ARHGEF9: variants seen among roughly 807,000 people sequenced by gnomAD.
The protein encoded by ARHGEF9 is rho guanine nucleotide exchange factor 9.
Under a neutral mutation model 41.3 loss-of-function variants are expected in ARHGEF9, and 2 were observed. That is an observed-to-expected ratio of 0.05 (90% CI 0.02 to 0.15). The LOEUF (loss-of-function observed/expected upper bound fraction) is 0.15, where lower values mean the gene tolerates loss of function less well. Ranked by LOEUF, ARHGEF9 falls within the 10% of genes least tolerant of loss-of-function variation. The pLI, the probability that ARHGEF9 is intolerant of heterozygous loss-of-function variation, is 1.00. For synonymous variants in ARHGEF9, 160 were observed against 154.4 expected, an observed-to-expected ratio of 1.04 and a Z score of -0.27; for missense variants, 225 against 424.7, an observed-to-expected ratio of 0.53 and a Z score of 4.13.
At position 63,635,017 on chromosome X, in the gene ARHGEF9, G is replaced by C; in HGVS notation, c.*3011C>G. On this transcript the variant is annotated 3_prime_UTR_variant, in exon 10 of 10. Transcript: ENST00000671741. ...TCCATAAATATTTTCATAAGGCTTT[G>C]TGTCATTACAACATTTTTTTTGTTA... 4.0e-6 allele frequency: 1 copy of C among 247,614 alleles called. No individual in the cohort carries two copies. The highest frequency in any genetic ancestry group is 7.0e-6 in the Non-Finnish European group (1 of 142,016). The allele number at this position is 247,614 out of a possible 1,213,427, so 20.4% of individuals were successfully genotyped here.
intron 7 of ARHGEF9, among the ~76,000 whole-genome samples, chrX:63,660,333 C>A (rs1273984550): frequency 9.0e-6 from 1 of 110,929 alleles, no homozygotes; most frequent in East Asian, 2.8e-4. Flanking sequence ...CAAGAGGGAG[C>A]TAAATATTGA....
At chrX:63,778,502 T>A (rs1556460193) in intron 1 of ARHGEF9, among the ~76,000 whole-genome samples, 1 of 112,492 alleles carries the variant, frequency 8.9e-6, no homozygotes, top group Non-Finnish European at 1.9e-5. Context: ...TTATTCAAAT[T>A]TCTGCAGCCA....
intron 1 of ARHGEF9, among the ~76,000 whole-genome samples, chrX:63,783,361 C>G (rs1556463449): frequency 9.2e-6 from 1 of 108,540 alleles, no homozygotes; most frequent in African/African-American, 3.4e-5. Flanking sequence ...CGCAACCTCC[C>G]CCTCCTGGGT....
chrX:63,704,833 T>C (rs1321285089), intron 3 of ARHGEF9, among the ~76,000 whole-genome samples: 2 of 112,011 alleles, frequency 1.8e-5, no homozygotes, highest in Non-Finnish European at 3.8e-5. Flanking sequence ...GACCTCTTGT[T>C]CTTTCTACTC....
At chrX:63,676,765 G>A (rs1372729016) in intron 5 of ARHGEF9, among the ~76,000 whole-genome samples, 1 of 112,398 alleles carries the variant, frequency 8.9e-6, no homozygotes, top group Non-Finnish European at 1.9e-5. Flanking sequence ...GCACAGAGCT[G>A]TACTGTCCAA....
At chrX:63,733,545 C>A (rs1231776999) in intron 1 of ARHGEF9, among the ~76,000 whole-genome samples, 1 of 112,351 alleles carries the variant, frequency 8.9e-6, no homozygotes, top group East Asian at 2.8e-4. Flanking sequence ...TAAATAATTT[C>A]ATTTCTTGGC....
At chrX:63,686,475 A>C (rs2050988286) in intron 4 of ARHGEF9, among the ~76,000 whole-genome samples, 1 of 111,285 alleles carries the variant, frequency 9.0e-6, no homozygotes, top group Non-Finnish European at 1.9e-5. Flanking sequence ...TACTTAAAAA[A>C]AATGCATTGT....
chrX:63,717,160 G>T (rs1393202869), intron 2 of ARHGEF9, among the ~76,000 whole-genome samples: 1 of 111,841 alleles, frequency 8.9e-6, no homozygotes, highest in Non-Finnish European at 1.9e-5. Flanking sequence ...ATTTTAAAAA[G>T]AAGTTTTTCA....
Position 63,701,263 on chromosome X carries a change from G to A in ARHGEF9, c.403-3959C>T, listed in dbSNP as rs185849969. The stretch of plus-strand genomic sequence containing the variant: ...CTTTAGGGAAGGGCCCTCACAAAAA[G>A]TTTAGACCTCAGTGTCTCTGTCTCT... On this transcript the variant is annotated intron_variant, in intron 3 of 9. Coordinates refer to ENST00000671741, the MANE Select transcript of ARHGEF9 (RefSeq NM_001353921.2). Among the ~76,000 whole-genome samples the A allele has an allele frequency of 2.7e-5, 3 of 110,980 alleles. No individual in the cohort carries two copies. The East Asian group carries it at 8.6e-4, about 32-fold the overall frequency.
intron 3 of ARHGEF9, among the ~76,000 whole-genome samples, chrX:63,699,803 A>G (rs573420118): frequency 5.9e-4 from 66 of 112,231 alleles, no homozygotes; most frequent in Non-Finnish European, 8.3e-4. Context: ...ACCATGTAGA[A>G]ACATGGAAAA....
In ARHGEF9 at chrX:63,697,173, G is replaced by A. The variant is rs782684706; in HGVS notation, c.534C>T (p.Asn178=). 8.3e-7 allele frequency: 1 copy of A among 1,210,646 alleles called. No homozygotes were observed. ...GFVRDLEKQY[N]NDDPHLSEIG... ...TCTCGCTGAGGTGGGGGTCATCATT[G>A]TTATACTGTTTCTCCAGGTCTCTCA... The change falls in exon 4 of 10, where the codon AAC becomes AAT. Residue 178 remains asparagine, a synonymous_variant. Transcript: ENST00000671741.
intron 1 of ARHGEF9, among the ~76,000 whole-genome samples, chrX:63,735,772 C>T (rs1245198097): frequency 2.7e-5 from 3 of 111,967 alleles, no homozygotes; most frequent in Admixed American, 9.4e-5. Context: ...AACTCTAGAC[C>T]TTGGCATACG....
intron 1 of ARHGEF9, among the ~76,000 whole-genome samples, chrX:63,759,591 A>G (rs1376489944): frequency 2.7e-5 from 3 of 112,108 alleles, no homozygotes; most frequent in African/African-American, 9.7e-5. Context: ...TAATCACTCC[A>G]TGAGAGGGTC....
At chrX:63,645,803 C>T (rs1343498760) in intron 8 of ARHGEF9, among the ~76,000 whole-genome samples, 2 of 112,026 alleles carry the variant, frequency 1.8e-5, no homozygotes, top group Non-Finnish European at 3.8e-5. Context: ...GGAATCACCA[C>T]ACTGACTTCC....
chrX:63,643,864 G>A (rs1404056013), intron 9 of ARHGEF9, 116 bp downstream of exon 9: 5 of 769,903 alleles, frequency 6.5e-6, no homozygotes, highest in Non-Finnish European at 9.6e-6. Context: ...CTAGGGACCT[G>A]GATACTCCTC....
At chrX:63,648,024 CT>C (rs1268729270) in intron 8 of ARHGEF9, among the ~76,000 whole-genome samples, 2 of 111,582 alleles carry the variant, frequency 1.8e-5, no homozygotes, top group Non-Finnish European at 3.8e-5. Context: ...GGAAAACACT[CT>C]GCAGGATAGT....
intron 1 of ARHGEF9, chrX:63,755,821 C>A: frequency 1.3e-6 from 1 of 751,318 alleles, no homozygotes; most frequent in Non-Finnish European, 1.6e-6. Context: ...TTCCCTGATA[C>A]CACTGCCCTT....
At chrX:63,745,014 C>T (rs1459968125) in intron 1 of ARHGEF9, among the ~76,000 whole-genome samples, 6 of 109,098 alleles carry the variant, frequency 5.5e-5, no homozygotes, top group Admixed American at 4.9e-4. Context: ...TTCTTGCCAT[C>T]CTGCACAATT....
chrX:63,671,932 T>C (rs1303646977), intron 6 of ARHGEF9, among the ~76,000 whole-genome samples: 1 of 112,336 alleles, frequency 8.9e-6, no homozygotes, highest in Non-Finnish European at 1.9e-5. Flanking sequence ...AGTTCCACAG[T>C]GACCTCAGTC....
Sources: allele counts gnomAD v4.1 joint callset (sites outside exome capture counted in the v4.1 genomes callset), GRCh38; gene constraint gnomAD v4.1.1; transcripts MANE v1.5; gene names NCBI Gene and HGNC (gene_info 2026-07-23, HGNC 2026-07-21).